Variants in NLGN4X observed in about 807,000 individuals in gnomAD.
The protein encoded by NLGN4X is neuroligin-4, X-linked.
NLGN4X carries 3 observed loss-of-function variants against 40.3 expected under a neutral mutation model. The ratio of observed to expected loss-of-function variants is 0.07; its 90% CI spans 0.03 to 0.19. The LOEUF is 0.19. Ranked by LOEUF, NLGN4X falls within the 10% of genes least tolerant of loss-of-function variation. The probability of loss-of-function intolerance (pLI) is 1.00; values close to 1 mark genes in which losing one functional copy is unlikely to be tolerated. For missense variants in NLGN4X, 382 were observed against 708.3 expected, an observed-to-expected ratio of 0.54 and a Z score of 5.23; for synonymous variants, 270 against 306.8, an observed-to-expected ratio of 0.88 and a Z score of 1.25.
At chrX:6,216,143 G>A (rs1925070656) in intron 1 of NLGN4X, among the ~76,000 whole-genome samples, 1 of 111,794 alleles carries the variant, frequency 8.9e-6, no homozygotes, top group African/African-American at 3.3e-5. Flanking sequence ...TTACAGGCAT[G>A]AGCCATCGTA....
intron 2 of NLGN4X, among the ~76,000 whole-genome samples, chrX:6,109,871 G>A (rs761012439): frequency 3.6e-5 from 4 of 111,706 alleles, no homozygotes; most frequent in Admixed American, 2.9e-4. Context: ...AACCTGTTAG[G>A]ATCCAGTCTC....
chrX:5,959,850 A>T, intron 3 of NLGN4X, among the ~76,000 whole-genome samples: 1 of 111,146 alleles, frequency 9.0e-6, no homozygotes, highest in Non-Finnish European at 1.9e-5. Context: ...TATGATTTAG[A>T]TTTCTACACC....
intron 3 of NLGN4X, among the ~76,000 whole-genome samples, chrX:6,028,888 A>G (rs1431677692): frequency 2.7e-5 from 3 of 111,858 alleles, no homozygotes; most frequent in Non-Finnish European, 3.8e-5. Context: ...CCTCCACACA[A>G]TATACTGATT....
chrX:6,225,003 TATATATATAC>T (rs1202649267), intron 1 of NLGN4X, among the ~76,000 whole-genome samples: 1 of 54,182 alleles, frequency 1.8e-5, no homozygotes, highest in African/African-American at 7.7e-5. Flanking sequence ...TATATATATA[TATATATATAC>T]ACACACACAC....
intron 3 of NLGN4X, among the ~76,000 whole-genome samples, chrX:5,952,227 C>T (rs1442178586): frequency 1.8e-5 from 2 of 111,338 alleles, no homozygotes; most frequent in South Asian, 3.8e-4. Flanking sequence ...TCTTGGAAGA[C>T]GAGGAGATGG....
chrX:6,018,158 G>A (rs2036440372), intron 3 of NLGN4X, among the ~76,000 whole-genome samples: 1 of 107,473 alleles, frequency 9.3e-6, no homozygotes, highest in African/African-American at 3.7e-5. Context: ...ATGTATGTAT[G>A]TACACATATA....
chrX:6,202,620 C>T (rs763101232), intron 1 of NLGN4X, among the ~76,000 whole-genome samples: 2 of 111,179 alleles, frequency 1.8e-5, no homozygotes, highest in East Asian at 5.7e-4. Context: ...CAGGCATGAG[C>T]CACCATGCCC....
intron 2 of NLGN4X, among the ~76,000 whole-genome samples, chrX:6,042,139 G>A (rs2037175115): frequency 8.9e-6 from 1 of 111,960 alleles, no homozygotes; most frequent in African/African-American, 3.2e-5. Flanking sequence ...TGTAATAATG[G>A]AAGTAGGATT....
rs367726548 is a variant in NLGN4X, at chrX:5,969,481, G to C, written c.625+59799C>G. Among the ~76,000 whole-genome samples the C allele has an allele frequency of 1.5e-4, 17 of 111,528 alleles. No homozygotes were observed. The South Asian group carries it at 4.2e-3, about 28-fold the overall frequency. ...AATCAAAACCACAATGAGATACCAT[G>C]TCACACCAGTTAGAATGGCAATCAT... On this transcript the variant is annotated intron_variant, in intron 3 of 5. Transcript: ENST00000381095.
intron 3 of NLGN4X, among the ~76,000 whole-genome samples, chrX:5,931,307 A>G (rs1482428589): frequency 1.8e-5 from 2 of 112,582 alleles, no homozygotes; most frequent in Non-Finnish European, 3.7e-5. Context: ...CTGATAAATG[A>G]GCTGTGATAT....
chrX:5,899,937 A>C (rs2031749003), intron 5 of NLGN4X, among the ~76,000 whole-genome samples: 1 of 112,199 alleles, frequency 8.9e-6, no homozygotes, highest in South Asian at 3.7e-4. Flanking sequence ...GTAAGTAAAG[A>C]GAGTGTTTGC....
chrX:5,909,481 G>A (rs1882906416), intron 3 of NLGN4X, among the ~76,000 whole-genome samples: 3 of 111,173 alleles, frequency 2.7e-5, no homozygotes, highest in Admixed American at 9.6e-5. Context: ...GTGGCTAATA[G>A]AGAAGGCAAA....
At chrX:5,912,871 G>A (rs1421790921) in intron 3 of NLGN4X, among the ~76,000 whole-genome samples, 1 of 79,409 alleles carries the variant, frequency 1.3e-5, no homozygotes, top group African/African-American at 4.7e-5. Context: ...GAGAGCAGGA[G>A]GGAGGAAGGA....
intron 2 of NLGN4X, among the ~76,000 whole-genome samples, chrX:6,091,535 T>C (rs1602212899): frequency 9.0e-6 from 1 of 111,474 alleles, no homozygotes; most frequent in Non-Finnish European, 1.9e-5. Context: ...TCTGCTACAG[T>C]CTGCTCCTAG....
chrX:6,148,029 A>G (rs2040086929), intron 2 of NLGN4X, among the ~76,000 whole-genome samples: 1 of 112,057 alleles, frequency 8.9e-6, no homozygotes, highest in Non-Finnish European at 1.9e-5. Flanking sequence ...TATAAAAAGT[A>G]TTGTTTTCTA....
At chrX:6,157,177 C>A (rs956682044) in intron 1 of NLGN4X, among the ~76,000 whole-genome samples, 1 of 110,713 alleles carries the variant, frequency 9.0e-6, no homozygotes, top group African/African-American at 3.3e-5. Context: ...CACCATATGG[C>A]AGCTCAAGGT....
intron 2 of NLGN4X, among the ~76,000 whole-genome samples, chrX:6,101,848 C>T (rs1480301932): frequency 1.9e-5 from 2 of 105,511 alleles, no homozygotes; most frequent in Non-Finnish European, 3.9e-5. Flanking sequence ...CTCGCTCTGT[C>T]GCCCAGGCTG....
chrX:6,145,877 T>C (rs1435997038), intron 2 of NLGN4X, among the ~76,000 whole-genome samples: 1 of 109,989 alleles, frequency 9.1e-6, no homozygotes, highest in Non-Finnish European at 1.9e-5. Context: ...AATGCCAGCA[T>C]TTTGGGAGGC....
chrX:5,997,117 T>G (rs1428148933), intron 3 of NLGN4X, among the ~76,000 whole-genome samples: 1 of 109,841 alleles, frequency 9.1e-6, no homozygotes, highest in East Asian at 2.8e-4. Flanking sequence ...ATTTTTAGTT[T>G]CTGCTTTTTT....
Sources: gnomAD v4.1 joint callset for allele counts (sites outside exome capture counted in the v4.1 genomes callset) on GRCh38, gnomAD v4.1.1 for gene constraint, MANE v1.5 for transcripts, NCBI Gene and HGNC (gene_info 2026-07-23, HGNC 2026-07-21) for gene names.